GPC3: variants seen among roughly 807,000 people sequenced by gnomAD.
The protein encoded by GPC3 is glypican-3.
GPC3 carries 3 observed loss-of-function variants against 34.4 expected under a neutral mutation model. The observed-to-expected ratio is 0.09, with a 90% CI of 0.04 to 0.23. The LOEUF (loss-of-function observed/expected upper bound fraction) is 0.23, where lower values mean the gene tolerates loss of function less well. Among genes scored for constraint, GPC3 ranks in the 10% least tolerant of loss-of-function variants. GPC3 has a pLI of 1.00. For synonymous variants in GPC3, 177 were observed against 174.0 expected (o/e 1.02, Z -0.13); for missense variants, 351 against 445.6 (o/e 0.79, Z 1.91).
intron 6 of GPC3, among the ~76,000 whole-genome samples, chrX:133,658,185 A>G (rs937740334): frequency 3.6e-5 from 4 of 111,857 alleles, no homozygotes; most frequent in Non-Finnish European, 7.5e-5. Context: ...TGATTGATTG[A>G]GTTTTAAACT....
At chrX:133,965,368 C>T (rs1207531971) in intron 1 of GPC3, among the ~76,000 whole-genome samples, 1 of 110,406 alleles carries the variant, frequency 9.1e-6, no homozygotes, top group African/African-American at 3.3e-5. Flanking sequence ...GGTGTCAATC[C>T]TCCTGGATTA....
At chrX:133,820,214 G>A (rs780896430) in intron 2 of GPC3, among the ~76,000 whole-genome samples, 1 of 111,943 alleles carries the variant, frequency 8.9e-6, no homozygotes, top group Admixed American at 9.5e-5. Context: ...AGAAATAAAT[G>A]TTCCAACCCT....
At chrX:133,934,489 C>T (rs7050004) in intron 2 of GPC3, among the ~76,000 whole-genome samples, 2,438 of 109,090 alleles carry the variant, frequency 0.022, 75 homozygotes, top group African/African-American at 0.076. Flanking sequence ...GCCACCAAGA[C>T]CAGCCAAACT....
At chrX:133,678,985 A>C (rs1037438976) in intron 5 of GPC3, among the ~76,000 whole-genome samples, 1 of 112,304 alleles carries the variant, frequency 8.9e-6, no homozygotes, top group African/African-American at 3.2e-5. Flanking sequence ...ATAAAACTGC[A>C]TTTACTTTAA....
At chrX:133,745,715 T>A (rs2071605834) in intron 3 of GPC3, among the ~76,000 whole-genome samples, 2 of 112,300 alleles carry the variant, frequency 1.8e-5, no homozygotes, top group Admixed American at 9.4e-5. Flanking sequence ...TTTACTAACT[T>A]CTAATTTCCT....
chrX:133,967,208 T>C (rs752131622), intron 1 of GPC3, among the ~76,000 whole-genome samples: 2 of 112,607 alleles, frequency 1.8e-5, no homozygotes, highest in East Asian at 5.6e-4. Flanking sequence ...TATTAGGTTA[T>C]GAATGCAACA....
intron 6 of GPC3, among the ~76,000 whole-genome samples, chrX:133,634,053 A>G (rs1247746971): frequency 8.9e-6 from 1 of 112,211 alleles, no homozygotes; most frequent in Middle Eastern, 4.6e-3. Context: ...AATATGTACC[A>G]GTGGATAATA....
At chrX:133,794,047 A>T (rs141365237) in intron 2 of GPC3, among the ~76,000 whole-genome samples, 1 of 112,293 alleles carries the variant, frequency 8.9e-6, no homozygotes, top group Non-Finnish European at 1.9e-5. Flanking sequence ...GAAAAAATAA[A>T]CAGCTCCAAA....
chrX:133,756,327 T>C (rs2071725692), intron 2 of GPC3, among the ~76,000 whole-genome samples: 1 of 112,362 alleles, frequency 8.9e-6, no homozygotes, highest in Non-Finnish European at 1.9e-5. Context: ...AGTACAGTTC[T>C]ATTTTAAACT....
intron 6 of GPC3, among the ~76,000 whole-genome samples, chrX:133,637,041 C>A (rs1176520378): frequency 8.9e-6 from 1 of 112,076 alleles, no homozygotes; most frequent in African/African-American, 3.2e-5. Context: ...TCCAGTCCCA[C>A]GCAAACTTGG....
At chrX:133,606,040 C>T (rs1243791506) in intron 6 of GPC3, among the ~76,000 whole-genome samples, 1 of 112,417 alleles carries the variant, frequency 8.9e-6, no homozygotes, top group Non-Finnish European at 1.9e-5. Context: ...CCACTTCCAG[C>T]TTTCCCAATT....
At chrX:133,592,524 T>A (rs1375418730) in intron 7 of GPC3, among the ~76,000 whole-genome samples, 1 of 110,260 alleles carries the variant, frequency 9.1e-6, no homozygotes, top group Non-Finnish European at 1.9e-5. Flanking sequence ...TAGCTTCTCT[T>A]ATTTTTACTT....
intron 3 of GPC3, among the ~76,000 whole-genome samples, chrX:133,720,644 C>G (rs1010883780): frequency 1.8e-5 from 2 of 111,664 alleles, no homozygotes; most frequent in Non-Finnish European, 3.8e-5. Flanking sequence ...TAATACAATG[C>G]TCATCAACTA....
chrX:133,604,990 C>T (rs947034963), intron 6 of GPC3, among the ~76,000 whole-genome samples: 1 of 111,915 alleles, frequency 8.9e-6, no homozygotes, highest in African/African-American at 3.2e-5. Context: ...ATTATTTATA[C>T]GTTGTGCACA....
chrX:133,610,973 T>C (rs1327248660), intron 6 of GPC3, among the ~76,000 whole-genome samples: 1 of 104,582 alleles, frequency 9.6e-6, no homozygotes, highest in Non-Finnish European at 2.0e-5. Flanking sequence ...ACGAAGACAA[T>C]AGATAGTAAA....
In GPC3 at chrX:133,948,641, T is replaced by C. The variant is rs187422446; in HGVS notation, c.337+4409A>G. Among the ~76,000 whole-genome samples, 117 of 111,689 alleles carry C rather than the reference T, an allele frequency of 1.0e-3. 1 individual carries two copies. The highest frequency in any genetic ancestry group is 1.6e-3 in the Non-Finnish European group (84 of 53,148). On this transcript the variant is annotated intron_variant, in intron 2 of 7. Transcript: ENST00000370818. ...CTCCTGATCTAGCTGCTTATTCATA[T>C]ATGAAATACACCAGATACTAGCCAG...
chrX:133,643,223 G>T (rs2070502085), intron 6 of GPC3, among the ~76,000 whole-genome samples: 1 of 108,631 alleles, frequency 9.2e-6, no homozygotes, highest in South Asian at 3.9e-4. Context: ...GAATTAAGGG[G>T]ATGACTTCTA....
At chrX:133,883,994 T>C (rs1482166942) in intron 2 of GPC3, among the ~76,000 whole-genome samples, 2 of 111,823 alleles carry the variant, frequency 1.8e-5, no homozygotes, top group Admixed American at 1.9e-4. Flanking sequence ...ATAATCCTTA[T>C]GCAATTATTA....
intron 2 of GPC3, among the ~76,000 whole-genome samples, chrX:133,868,262 C>T (rs1412725188): frequency 2.7e-5 from 3 of 112,150 alleles, no homozygotes; most frequent in Non-Finnish European, 5.6e-5. Flanking sequence ...AGCTCCTGCT[C>T]CTGCCTGTCT....
Sources: gnomAD v4.1 joint callset for allele counts (sites outside exome capture counted in the v4.1 genomes callset) on GRCh38, gnomAD v4.1.1 for gene constraint, MANE v1.5 for transcripts, NCBI Gene and HGNC (gene_info 2026-07-23, HGNC 2026-07-21) for gene names.